The following CD38 variants were observed in gnomAD, a reference collection of about 807,000 sequenced individuals.
The protein encoded by CD38 is CD38 molecule.
In CD38, 31 loss-of-function variants were observed where a neutral mutation model predicts 36.3. The observed-to-expected ratio is 0.85, with a 90% CI of 0.64 to 1.15. CD38 has a LOEUF of 1.15. Ranked by LOEUF, CD38 falls within the 50% of genes most tolerant of loss-of-function variation. CD38 has a pLI of 0.00. For missense variants in CD38, 380 were observed against 371.9 expected (o/e 1.02, Z -0.18); for synonymous variants, 131 against 135.2 (o/e 0.97, Z 0.22).
At chr4:15,836,956 C>T (rs1724080427) in intron 4 of CD38, among the ~76,000 whole-genome samples, 1 of 152,160 alleles carries the variant, frequency 6.6e-6, no homozygotes, top group Non-Finnish European at 1.5e-5. Context: ...GAGATACCAC[C>T]ATCCTATAAC....
intron 3 of CD38, chr4:15,825,932 AC>A: frequency 6.8e-6 from 1 of 147,492 alleles, no homozygotes; most frequent in South Asian, 2.2e-4. Flanking sequence ...TACAACCAAA[AC>A]CCTACTGCAG....
chr4:15,802,561 AT>A (rs1401311502), intron 1 of CD38, among the ~76,000 whole-genome samples: 1 of 145,064 alleles, frequency 6.9e-6, no homozygotes, highest in Non-Finnish European at 1.5e-5. Flanking sequence ...ATTTCACTTC[AT>A]TTCATTTTAT....
intron 1 of CD38, among the ~76,000 whole-genome samples, chr4:15,782,759 CA>C (rs915815894): frequency 6.6e-6 from 1 of 152,180 alleles, no homozygotes; most frequent in African/African-American, 2.4e-5. Flanking sequence ...GAGGTTGTAG[CA>C]CTTTATCTTC....
At chr4:15,785,043 A>G (rs1032723276) in intron 1 of CD38, among the ~76,000 whole-genome samples, 1 of 130,814 alleles carries the variant, frequency 7.6e-6, no homozygotes, top group Non-Finnish European at 1.6e-5. Context: ...GTGACAGAGC[A>G]AGACTCTGTC....
intron 4 of CD38, among the ~76,000 whole-genome samples, chr4:15,835,772 A>G (rs1474674465): frequency 6.6e-6 from 1 of 152,174 alleles, no homozygotes; most frequent in Non-Finnish European, 1.5e-5. Flanking sequence ...TTGGCCTCCC[A>G]AAGTTCTGGG....
intron 1 of CD38, among the ~76,000 whole-genome samples, chr4:15,808,768 A>G (rs1301249836): frequency 2.0e-5 from 3 of 152,238 alleles, no homozygotes; most frequent in African/African-American, 4.8e-5. Flanking sequence ...TGATTGCATT[A>G]GCCTTGCCTG....
At chr4:15,784,104 C>A (rs1281674181) in intron 1 of CD38, among the ~76,000 whole-genome samples, 1 of 152,212 alleles carries the variant, frequency 6.6e-6, no homozygotes, top group Admixed American at 6.5e-5. Flanking sequence ...GGCCTGTACA[C>A]AGCCAAGAGG....
chr4:15,837,339 C>T (rs11574923), intron 4 of CD38, among the ~76,000 whole-genome samples: 23,848 of 151,800 alleles, frequency 0.16, 1,926 homozygotes, highest in South Asian at 0.22. Context: ...TAACAGAGGC[C>T]ATGTTTTTTT....
intron 1 of CD38, among the ~76,000 whole-genome samples, chr4:15,783,992 G>C (rs1342094429): frequency 1.3e-5 from 2 of 152,202 alleles, no homozygotes; most frequent in Non-Finnish European, 2.9e-5. Context: ...CACAAATGAA[G>C]AAACACAAGC....
intron 3 of CD38, among the ~76,000 whole-genome samples, chr4:15,828,993 A>G (rs1280705027): frequency 6.6e-6 from 1 of 152,016 alleles, no homozygotes; most frequent in East Asian, 1.9e-4. Context: ...TTTATCTTTC[A>G]TCTTTTTGAT....
At position 15,850,126 on chromosome 4, in the gene CD38, A is replaced by C. The variant is rs1276019379; in HGVS notation, c.*1524A>C. ...GTTTTTACACCAGCCTGGGAATAAC[A>C]GTGAGACATTATCTCCAAAAAAATT... On this transcript the variant is annotated 3_prime_UTR_variant, in exon 8 of 8. Transcript: ENST00000226279. The C allele has an allele frequency of 6.6e-6, 1 of 152,130 alleles. No homozygotes were observed. The highest frequency in any genetic ancestry group is 6.6e-5 in the Admixed American group (1 of 15,252). The allele number at this position is 152,130 out of a possible 1,614,324, so 9.4% of individuals were successfully genotyped here.
intron 1 of CD38, among the ~76,000 whole-genome samples, chr4:15,813,057 C>T (rs1560313218): frequency 6.6e-6 from 1 of 152,140 alleles, no homozygotes. Flanking sequence ...TATTTCATGT[C>T]ATCCATGAAG....
At chr4:15,807,719 A>T (rs755251190) in intron 1 of CD38, among the ~76,000 whole-genome samples, 3 of 152,182 alleles carry the variant, frequency 2.0e-5, no homozygotes, top group Non-Finnish European at 4.4e-5. Flanking sequence ...AGCTGGTCTG[A>T]TCTCCTTTTC....
At chr4:15,838,634 G>A (rs1724128547) in intron 5 of CD38, among the ~76,000 whole-genome samples, 2 of 152,162 alleles carry the variant, frequency 1.3e-5, no homozygotes, top group Admixed American at 1.3e-4. Context: ...CTACTACCGG[G>A]AACATCGGGA....
chr4:15,826,459 G>GCGCA (rs1553874528), intron 3 of CD38, among the ~76,000 whole-genome samples: 62 of 146,346 alleles, frequency 4.2e-4, no homozygotes, highest in Non-Finnish European at 6.3e-4. Flanking sequence ...ACTTTTGTGC[G>GCGCA]CACACACACA....
At chr4:15,835,717 T>G (rs1161438977) in intron 4 of CD38, among the ~76,000 whole-genome samples, 2 of 152,128 alleles carry the variant, frequency 1.3e-5, no homozygotes, top group Admixed American at 6.6e-5. Flanking sequence ...TTCACTATGT[T>G]GGCCAGGCTG....
chr4:15,830,698 G>A (rs1457268612), intron 3 of CD38, among the ~76,000 whole-genome samples: 1 of 151,946 alleles, frequency 6.6e-6, no homozygotes, highest in East Asian at 1.9e-4. Flanking sequence ...TTTCCCCAGT[G>A]GTTTCTTGTA....
chr4:15,812,918 G>A (rs1723502885), intron 1 of CD38, among the ~76,000 whole-genome samples: 1 of 152,056 alleles, frequency 6.6e-6, no homozygotes, highest in South Asian at 2.1e-4. Context: ...TTCATTGATA[G>A]TATATTTTTC....
chr4:15,804,133 T>A (rs998667417), intron 1 of CD38, among the ~76,000 whole-genome samples: 26 of 152,334 alleles, frequency 1.7e-4, no homozygotes, highest in African/African-American at 6.0e-4. Context: ...TGCATGTCTT[T>A]TTTTTGGTAG....
Sources: gnomAD v4.1 joint callset for allele counts (sites outside exome capture counted in the v4.1 genomes callset) on GRCh38, gnomAD v4.1.1 for gene constraint, MANE v1.5 for transcripts, NCBI Gene and HGNC (gene_info 2026-07-23, HGNC 2026-07-21) for gene names.